The following GIGYF2 variants were observed in gnomAD, a reference collection of about 807,000 sequenced individuals.
GIGYF2 encodes GRB10 interacting GYF protein 2.
A neutral mutation model predicts 208.1 loss-of-function variants in GIGYF2; 25 were observed. The ratio of observed to expected loss-of-function variants is 0.12; its 90% confidence interval spans 0.09 to 0.17. The LOEUF is 0.17. Among genes scored for constraint, GIGYF2 ranks in the 10% least tolerant of loss-of-function variants. The pLI is 1.00. For synonymous variants in GIGYF2, 534 were observed against 543.8 expected (o/e 0.98, Z 0.25); for missense variants, 1,302 against 1,579.4 (o/e 0.82, Z 2.98).
chr2:232,748,321 C>T (rs889406997), intron 4 of GIGYF2, among the ~76,000 whole-genome samples: 1 of 152,112 alleles, frequency 6.6e-6, no homozygotes, highest in African/African-American at 2.4e-5. Flanking sequence ...CTGGCTCAGT[C>T]ACCCAGGCTG....
At chr2:232,712,044 T>C (rs983312515) in intron 2 of GIGYF2, among the ~76,000 whole-genome samples, 1 of 152,190 alleles carries the variant, frequency 6.6e-6, no homozygotes, top group African/African-American at 2.4e-5. Context: ...CCTTTAAATA[T>C]TGGAAAACTT....
intron 3 of GIGYF2, 77 bp downstream of exon 3, chr2:232,735,315 G>T (rs1697687605): frequency 2.0e-6 from 2 of 1,003,996 alleles, no homozygotes; most frequent in Non-Finnish European, 3.1e-6. Flanking sequence ...GTGCTAGGTG[G>T]TTTATAAATG....
Position 232,844,081 on chromosome 2 carries a change from TC to T in GIGYF2, c.2926del (p.Gln976SerfsTer74). Reference sequence around the variant, plus strand: ...AGCAGAGGGAGTTGATGAAAGCTCTTCAGCAGCAGCAGCAACAGCAACAGCA... The same window carrying T: ...AGCAGAGGGAGTTGATGAAAGCTCTTAGCAGCAGCAGCAACAGCAACAGCA... ...RQQRELMKAL[Q>X]QQQQQQQQKL... On this transcript the variant is annotated frameshift_variant, in exon 24 of 29. Coordinates refer to ENST00000373563, the MANE Select transcript of GIGYF2 (RefSeq NM_001103146.3). LOFTEE classifies it high-confidence loss of function. 6.2e-7 allele frequency: 1 copy of T among 1,609,482 alleles called. No individual in the cohort carries two copies. The highest frequency in any genetic ancestry group is 8.5e-7 in the Non-Finnish European group (1 of 1,177,014).
intron 2 of GIGYF2, among the ~76,000 whole-genome samples, chr2:232,727,732 AT>A (rs1243318603): frequency 6.6e-6 from 1 of 151,926 alleles, no homozygotes; most frequent in Non-Finnish European, 1.5e-5. Context: ...CTTTCTTGAG[AT>A]TTCTGCTTTG....
chr2:232,755,454 CA>C (rs1698498987), intron 5 of GIGYF2, among the ~76,000 whole-genome samples: 1 of 152,192 alleles, frequency 6.6e-6, no homozygotes, highest in African/African-American at 2.4e-5. Context: ...AGGCATGAAC[CA>C]CCACGCCTGG....
intron 8 of GIGYF2, among the ~76,000 whole-genome samples, chr2:232,764,783 G>A (rs1698886789): frequency 6.6e-6 from 1 of 152,128 alleles, no homozygotes; most frequent in Non-Finnish European, 1.5e-5. Context: ...CAATAGCCTG[G>A]TTTTAACTGT....
At chr2:232,820,592 G>A (rs1273692563) in intron 21 of GIGYF2, among the ~76,000 whole-genome samples, 1 of 151,576 alleles carries the variant, frequency 6.6e-6, no homozygotes, top group Admixed American at 6.6e-5. Flanking sequence ...GGGATTACAG[G>A]CATGAGCTGC....
intron 21 of GIGYF2, among the ~76,000 whole-genome samples, chr2:232,829,982 T>C (rs540426639): frequency 1.1e-4 from 16 of 152,270 alleles, no homozygotes; most frequent in African/African-American, 3.9e-4. Flanking sequence ...TTTGTTTATT[T>C]ATTTATTTAT....
At position 232,818,090 on chromosome 2, in the gene GIGYF2, A is replaced by C. The variant is rs1370833278; in HGVS notation, c.2370+1058A>C. 2.0e-5 allele frequency among the ~76,000 whole-genome samples: 3 copies of C among 152,218 alleles called. No individual in the cohort carries two copies. In the East Asian group the frequency reaches 5.8e-4, roughly 29 times the overall value. ...TTTGATAATGACACTTTTAATGAGCATCAAGTGATATTTCATTGTGGTTTT... is the reference window on the plus strand; with the variant it reads ...TTTGATAATGACACTTTTAATGAGCCTCAAGTGATATTTCATTGTGGTTTT... On this transcript the variant is annotated intron_variant, in intron 20 of 28. Transcript: ENST00000373563.
At chr2:232,771,245 A>G (rs929791413) in intron 8 of GIGYF2, 3 of 1,609,772 alleles carry the variant, frequency 1.9e-6, no homozygotes, top group Non-Finnish European at 2.5e-6. Context: ...TCTCGAAGAT[A>G]TGCAAGACCT....
intron 20 of GIGYF2, among the ~76,000 whole-genome samples, chr2:232,818,667 T>C (rs1322646610): frequency 6.6e-6 from 1 of 152,180 alleles, no homozygotes. Context: ...AGTCTCACTC[T>C]GTCACCCAGG....
chr2:232,707,629 C>T (rs1449108260), intron 2 of GIGYF2, among the ~76,000 whole-genome samples: 2 of 148,050 alleles, frequency 1.4e-5, no homozygotes, highest in Non-Finnish European at 3.0e-5. Flanking sequence ...ATTACTTCTA[C>T]CATTGGGATT....
In GIGYF2 at chr2:232,735,177, A is replaced by G. The variant is rs545123722; in HGVS notation, c.-21A>G. 11 of 1,565,092 alleles carry G rather than the reference A, an allele frequency of 7.0e-6. No homozygotes were observed. Among genetic ancestry groups the G allele is most frequent in the South Asian group, 5.6e-5 (5 of 89,648 alleles). On this transcript the variant is annotated 5_prime_UTR_variant, in exon 3 of 29. Coordinates refer to ENST00000373563, the MANE Select transcript of GIGYF2 (RefSeq NM_001103146.3). The stretch of plus-strand genomic sequence containing the variant: ...CAGGTTTCTTCACATATAAAAATCT[A>G]TTGTAAAAATACGGAAAAGAATGGC...
At chr2:232,757,892 A>C (rs1161832378) in intron 6 of GIGYF2, among the ~76,000 whole-genome samples, 3 of 151,910 alleles carry the variant, frequency 2.0e-5, no homozygotes, top group Admixed American at 2.0e-4. Flanking sequence ...GGGTTATCAC[A>C]TATGATAGAA....
intron 6 of GIGYF2, 112 bp downstream of exon 6, chr2:232,756,446 T>G (rs1439948773): frequency 1.7e-6 from 1 of 598,550 alleles, no homozygotes; most frequent in African/African-American, 1.9e-5. Context: ...TGACATTAAC[T>G]GCATACTAAA....
intron 3 of GIGYF2, among the ~76,000 whole-genome samples, chr2:232,740,042 C>T (rs571696625): frequency 3.3e-5 from 5 of 151,806 alleles, no homozygotes; most frequent in East Asian, 1.9e-4. Context: ...TACTTGAACA[C>T]GGGAGGTGGA....
chr2:232,772,342 G>A (rs1283637853), intron 8 of GIGYF2, among the ~76,000 whole-genome samples: 1 of 152,150 alleles, frequency 6.6e-6, no homozygotes, highest in Non-Finnish European at 1.5e-5. Flanking sequence ...AGATTGGGGG[G>A]TAGAAAGAGA....
At chr2:232,729,023 G>A (rs534206679) in intron 2 of GIGYF2, among the ~76,000 whole-genome samples, 6 of 151,968 alleles carry the variant, frequency 3.9e-5, no homozygotes, top group East Asian at 1.9e-4. Flanking sequence ...CTGTTGCCCA[G>A]GCTGGAGGGC....
Position 232,857,308 on chromosome 2 carries a change from T to C in GIGYF2, c.*448T>C. The C allele has an allele frequency of 4.3e-6, 1 of 234,318 alleles. No individual in the cohort carries two copies. The highest frequency in any genetic ancestry group is 8.5e-6 in the Non-Finnish European group (1 of 117,164). 14.5% of individuals were successfully genotyped at this position (234,318 alleles called of 1,614,324 possible). A position where few individuals can be genotyped will look rare whatever the true frequency, so the allele number is the denominator to read the frequency against. On this transcript the variant is annotated 3_prime_UTR_variant, in exon 29 of 29. Coordinates refer to ENST00000373563, the MANE Select transcript of GIGYF2 (RefSeq NM_001103146.3). ...GTGCAATCATGAAGAGAGTTAATGG[T>C]TAACAGACATTGGCCAATAACAAAA...
Sources: allele counts gnomAD v4.1 joint callset (sites outside exome capture counted in the v4.1 genomes callset), GRCh38; gene constraint gnomAD v4.1.1; transcripts MANE v1.5; gene names NCBI Gene and HGNC (gene_info 2026-07-23, HGNC 2026-07-21).